Variants in MAP2 observed in about 807,000 individuals in gnomAD.
MAP2 encodes microtubule associated protein 2.
A neutral mutation model predicts 137.6 loss-of-function variants in MAP2; 14 were observed. The ratio of observed to expected loss-of-function variants is 0.10; its 90% CI spans 0.07 to 0.16. MAP2 has a LOEUF of 0.16. MAP2 is among the 10% of genes least tolerant of loss of function. MAP2 has a pLI of 1.00. For missense variants in MAP2, 2,088 were observed against 2,191.5 expected (o/e 0.95, Z 0.94); for synonymous variants, 786 against 782.3 (o/e 1.00, Z -0.08).
chr2:209,698,269 C>T (rs1355758332), intron 10 of MAP2, among the ~76,000 whole-genome samples: 1 of 152,062 alleles, frequency 6.6e-6, no homozygotes, highest in South Asian at 2.1e-4. Context: ...ATCTGTAATG[C>T]CAACTTTTTT....
In MAP2 at chr2:209,424,246, G is replaced by C. The variant is rs1213597083; in HGVS notation, c.-252G>C. ...TAAGTCCGTGAGCGGTGGCAGTCGC[G>C]ACCGCGGGTGCATCCAGTTTCTGCG... On this transcript the variant is annotated 5_prime_UTR_variant, in exon 1 of 16. Transcript: ENST00000682079. 6.6e-6 allele frequency: 1 copy of C among 152,112 alleles called. No homozygotes were observed. The highest frequency in any genetic ancestry group is 1.5e-5 in the Non-Finnish European group (1 of 68,194). The allele number at this position is 152,112 out of a possible 1,614,324, so 9.4% of individuals were successfully genotyped here. A position where few individuals can be genotyped will look rare whatever the true frequency, so the allele number is the denominator to read the frequency against.
At chr2:209,491,354 A>G (rs2059086150) in intron 1 of MAP2, among the ~76,000 whole-genome samples, 1 of 152,216 alleles carries the variant, frequency 6.6e-6, no homozygotes, top group East Asian at 1.9e-4. Context: ...GGAAAGATCT[A>G]AAATTGACAT....
rs543339143 is a variant in MAP2 at position 209,494,045 on chromosome 2, A to C, written c.-221-13547A>C. 8.8e-4 allele frequency among the ~76,000 whole-genome samples: 134 copies of C among 152,334 alleles called. 4 individuals carry two copies. In the South Asian group the frequency reaches 0.027, roughly 30 times the overall value. Reference sequence around the variant, plus strand: ...CTTGGAACCAACCAAAATGCCCATCAATGTTAGACTGGATAAAGAAAATTT... The same window carrying C: ...CTTGGAACCAACCAAAATGCCCATCCATGTTAGACTGGATAAAGAAAATTT... On this transcript the variant is annotated intron_variant, in intron 1 of 15. Coordinates refer to ENST00000682079, the MANE Select transcript of MAP2 (RefSeq NM_001375505.1).
chr2:209,436,742 G>A (rs1205605167), intron 1 of MAP2, among the ~76,000 whole-genome samples: 1 of 151,630 alleles, frequency 6.6e-6, no homozygotes, highest in Non-Finnish European at 1.5e-5. Flanking sequence ...TGGAATCAGT[G>A]TTTGTGACGT....
intron 2 of MAP2, among the ~76,000 whole-genome samples, chr2:209,521,380 G>T (rs546751228): frequency 2.6e-5 from 4 of 151,676 alleles, no homozygotes; most frequent in African/African-American, 9.7e-5. Context: ...TTTAAAAGTC[G>T]TTTTGTGGCA....
intron 2 of MAP2, among the ~76,000 whole-genome samples, chr2:209,546,223 T>A (rs999835748): frequency 1.3e-5 from 2 of 152,202 alleles, no homozygotes; most frequent in African/African-American, 4.8e-5. Flanking sequence ...ATTTTAAATG[T>A]GTATGGATGT....
At chr2:209,607,725 G>C (rs142222660) in intron 3 of MAP2, among the ~76,000 whole-genome samples, 89 of 152,332 alleles carry the variant, frequency 5.8e-4, no homozygotes, top group African/African-American at 2.1e-3. Flanking sequence ...ATGAGCGACT[G>C]TGCCCGGCCT....
chr2:209,444,865 T>A (rs1698681127), intron 1 of MAP2, among the ~76,000 whole-genome samples: 1 of 151,462 alleles, frequency 6.6e-6, no homozygotes, highest in Non-Finnish European at 1.5e-5. Context: ...TAAAGTACTT[T>A]ATAAAATCTC....
chr2:209,533,459 C>T (rs1336038375), intron 2 of MAP2, among the ~76,000 whole-genome samples: 3 of 152,094 alleles, frequency 2.0e-5, no homozygotes, highest in African/African-American at 7.2e-5. Context: ...TTTCTGGTTT[C>T]CTAATTGCTC....
intron 3 of MAP2, among the ~76,000 whole-genome samples, chr2:209,616,105 C>T (rs576518835): frequency 6.6e-6 from 1 of 152,224 alleles, no homozygotes; most frequent in South Asian, 2.1e-4. Flanking sequence ...GCTGTGTATC[C>T]TCATTCTTCT....
chr2:209,521,042 C>T (rs2063202259), intron 2 of MAP2, among the ~76,000 whole-genome samples: 1 of 151,942 alleles, frequency 6.6e-6, no homozygotes, highest in Non-Finnish European at 1.5e-5. Flanking sequence ...GCCAATTTGC[C>T]CCCAAAGTAT....
chr2:209,638,826 A>C (rs190035360), intron 4 of MAP2, among the ~76,000 whole-genome samples: 260 of 152,244 alleles, frequency 1.7e-3, no homozygotes, highest in African/African-American at 6.0e-3. Flanking sequence ...TCTATATCTT[A>C]ATCATCATCA....
At chr2:209,455,610 T>A (rs950831709) in intron 1 of MAP2, among the ~76,000 whole-genome samples, 4 of 152,356 alleles carry the variant, frequency 2.6e-5, no homozygotes, top group Non-Finnish European at 5.9e-5. Flanking sequence ...GAATTACTTG[T>A]ATAAAATGCA....
Position 209,539,276 on chromosome 2 carries a change from G to A in MAP2, c.-172+31635G>A, listed in dbSNP as rs182729973. Among the ~76,000 whole-genome samples the A allele has an allele frequency of 4.6e-4, 70 of 152,262 alleles. 1 individual carries two copies. The Middle Eastern group carries it at 0.01, about 22-fold the overall frequency. On this transcript the variant is annotated intron_variant, in intron 2 of 15. Transcript: ENST00000682079. Reference sequence around the variant, plus strand: ...GTAAATAACTTATTAAATATTAATGGAATTGCATTTCTGTAATTGTTGTGA... The same window carrying A: ...GTAAATAACTTATTAAATATTAATGAAATTGCATTTCTGTAATTGTTGTGA...
At chr2:209,527,023 G>A (rs372579767) in intron 2 of MAP2, among the ~76,000 whole-genome samples, 4 of 152,252 alleles carry the variant, frequency 2.6e-5, no homozygotes, top group East Asian at 3.9e-4. Context: ...GCTCCAGGCA[G>A]ATGGACTTTT....
At chr2:209,466,111 A>C (rs1318325356) in intron 1 of MAP2, among the ~76,000 whole-genome samples, 3 of 152,190 alleles carry the variant, frequency 2.0e-5, no homozygotes, top group Non-Finnish European at 4.4e-5. Flanking sequence ...TACTAAAGAA[A>C]TGGTTATTTA....
intron 7 of MAP2, among the ~76,000 whole-genome samples, chr2:209,682,761 G>C (rs2055223738): frequency 6.6e-6 from 1 of 152,114 alleles, no homozygotes; most frequent in Admixed American, 6.6e-5. Context: ...GGAACTGAAG[G>C]GGGTCCGTGG....
At chr2:209,446,784 C>T (rs544202542) in intron 1 of MAP2, among the ~76,000 whole-genome samples, 2 of 151,796 alleles carry the variant, frequency 1.3e-5, no homozygotes, top group African/African-American at 4.8e-5. Flanking sequence ...AAGTAGAAGG[C>T]TGCTTGAGAG....
intron 3 of MAP2, among the ~76,000 whole-genome samples, chr2:209,593,988 A>T (rs922366962): frequency 7.3e-6 from 1 of 136,452 alleles, no homozygotes; most frequent in Admixed American, 8.1e-5. Context: ...ATATATACAC[A>T]CACACACAAA....
Sources: gnomAD v4.1 joint callset for allele counts (sites outside exome capture counted in the v4.1 genomes callset) on GRCh38, gnomAD v4.1.1 for gene constraint, MANE v1.5 for transcripts, NCBI Gene and HGNC (gene_info 2026-07-23, HGNC 2026-07-21) for gene names.